NAV2: variants seen among roughly 807,000 people sequenced by gnomAD.
NAV2 encodes helicase, APC down-regulated 1.
In NAV2, 54 loss-of-function variants were observed where a neutral mutation model predicts 223.2. That is an observed-to-expected ratio of 0.24 (90% confidence interval 0.19 to 0.30). NAV2 has a LOEUF of 0.30. Ranked by LOEUF, NAV2 falls within the 10% of genes least tolerant of loss-of-function variation. The pLI is 1.00. For missense variants in NAV2, 2,806 were observed against 3,147.5 expected (o/e 0.89, Z 2.60); for synonymous variants, 1,279 against 1,239.3 (o/e 1.03, Z -0.67).
chr11:19,643,410 C>T (rs59431398), intron 1 of NAV2, among the ~76,000 whole-genome samples: 3 of 148,156 alleles, frequency 2.0e-5, no homozygotes, highest in Admixed American at 6.8e-5. Context: ...TGAGAACATG[C>T]GGTGTTTGGT....
intron 6 of NAV2, among the ~76,000 whole-genome samples, chr11:19,897,886 T>TTATATA (rs10524489): frequency 0.021 from 2,493 of 120,648 alleles, 309 homozygotes; most frequent in African/African-American, 0.073. Flanking sequence ...GACCTGTGAT[T>TTATATA]TATATATATA....
At chr11:19,564,465 A>T (rs2045201127) in intron 1 of NAV2, among the ~76,000 whole-genome samples, 1 of 152,160 alleles carries the variant, frequency 6.6e-6, no homozygotes, top group African/African-American at 2.4e-5. Flanking sequence ...TTCACCACCC[A>T]GTCGGGCTCT....
intron 31 of NAV2, among the ~76,000 whole-genome samples, chr11:20,098,082 G>A (rs1290245826): frequency 2.6e-5 from 4 of 152,136 alleles, no homozygotes; most frequent in Admixed American, 1.3e-4. Flanking sequence ...ATGCAGTCCC[G>A]TTCTACAGAT....
At chr11:19,982,375 C>T (rs943745749) in intron 10 of NAV2, among the ~76,000 whole-genome samples, 21 of 152,264 alleles carry the variant, frequency 1.4e-4, no homozygotes, top group African/African-American at 5.1e-4. Context: ...TCAAGTGATT[C>T]TCCTGCCTCA....
intron 1 of NAV2, among the ~76,000 whole-genome samples, chr11:19,487,328 G>A (rs140260165): frequency 8.0e-4 from 122 of 152,260 alleles, no homozygotes; most frequent in Non-Finnish European, 1.3e-3. Context: ...TCTCAAAATG[G>A]GAAAAGGAGC....
chr11:19,684,911 A>G (rs1205772540), intron 1 of NAV2, among the ~76,000 whole-genome samples: 1 of 152,166 alleles, frequency 6.6e-6, no homozygotes, highest in Non-Finnish European at 1.5e-5. Context: ...CTCTCAGTAC[A>G]GTGCCTGGCA....
chr11:20,011,358 CAG>C (rs2053550777), intron 11 of NAV2, among the ~76,000 whole-genome samples: 1 of 152,116 alleles, frequency 6.6e-6, no homozygotes, highest in Non-Finnish European at 1.5e-5. Context: ...TTATATGACA[CAG>C]AGAAATCTAT....
intron 1 of NAV2, among the ~76,000 whole-genome samples, chr11:19,765,372 C>CCTT (rs2055120351): frequency 9.3e-6 from 1 of 107,562 alleles, no homozygotes; most frequent in African/African-American, 4.4e-5. Flanking sequence ...TCCTCATCTT[C>CCTT]CCTTCTTTCC....
intron 1 of NAV2, among the ~76,000 whole-genome samples, chr11:19,785,711 A>G (rs546848556): frequency 1.3e-5 from 2 of 151,122 alleles, no homozygotes; most frequent in East Asian, 1.9e-4. Context: ...ATGTCTGGCC[A>G]CTGTATGGGG....
chr11:20,029,377 C>T (rs981039273), intron 11 of NAV2, among the ~76,000 whole-genome samples: 1 of 152,180 alleles, frequency 6.6e-6, no homozygotes, highest in African/African-American at 2.4e-5. Flanking sequence ...AGCAGCATAG[C>T]TAAAAGCGTT....
chr11:19,684,841 A>T (rs1297248288), intron 1 of NAV2, among the ~76,000 whole-genome samples: 1 of 152,214 alleles, frequency 6.6e-6, no homozygotes, highest in Non-Finnish European at 1.5e-5. Context: ...TCACATCCCT[A>T]TGGGCTCAAG....
At chr11:19,806,907 C>T (rs1204877975) in intron 1 of NAV2, among the ~76,000 whole-genome samples, 1 of 152,182 alleles carries the variant, frequency 6.6e-6, no homozygotes, top group East Asian at 1.9e-4. Context: ...ATAGCTAACC[C>T]TGCCTGGGCA....
chr11:19,791,144 C>T (rs1327799451), intron 1 of NAV2, among the ~76,000 whole-genome samples: 3 of 152,040 alleles, frequency 2.0e-5, no homozygotes, highest in Non-Finnish European at 2.9e-5. Context: ...AAAACTATAC[C>T]CTTAACCATT....
rs2153548112 is a variant in NAV2, at chr11:20,027,483, A to C, written c.2769-8476A>C. On this transcript the variant is annotated intron_variant, in intron 11 of 37. Coordinates refer to ENST00000349880, the MANE Select transcript of NAV2 (RefSeq NM_145117.5). Reference sequence around the variant, plus strand: ...AATTGAGCAGGTAAGTCCTGGATGCAGCTGGTCACAGCTGCGCAGTGTGAG... The same window carrying C: ...AATTGAGCAGGTAAGTCCTGGATGCCGCTGGTCACAGCTGCGCAGTGTGAG... 5 of 982,888 alleles carry C rather than the reference A, an allele frequency of 5.1e-6. No individual in the cohort carries two copies. In the South Asian group the frequency reaches 1.9e-4, roughly 37 times the overall value. The allele number at this position is 982,888 out of a possible 1,614,324, so 60.9% of individuals were successfully genotyped here. A position where few individuals can be genotyped will look rare whatever the true frequency, so the allele number is the denominator to read the frequency against.
chr11:19,745,056 C>T (rs1248605657), intron 1 of NAV2, among the ~76,000 whole-genome samples: 1 of 152,202 alleles, frequency 6.6e-6, no homozygotes, highest in African/African-American at 2.4e-5. Flanking sequence ...CCCTATCGCT[C>T]TCTAGCAGGG....
At chr11:19,777,604 C>A in intron 1 of NAV2, 1 of 443,626 alleles carries the variant, frequency 2.3e-6, no homozygotes, top group Non-Finnish European at 4.5e-6. Flanking sequence ...TAGGAACTGG[C>A]CCGGGTGGTG....
chr11:19,576,127 G>A lies in NAV2; in HGVS notation c.75+225100G>A, dbSNP rs553856896. ...GTGCCCTTTGCACACAGCCATTTGT[G>A]GAATGGGTCCTCCTCTGTCTACACT... On this transcript the variant is annotated intron_variant, in intron 1 of 37. Coordinates refer to the NAV2 transcript ENST00000360655. 2.0e-5 allele frequency among the ~76,000 whole-genome samples: 3 copies of A among 152,012 alleles called. No individual in the cohort carries two copies. The South Asian group carries it at 6.2e-4, about 32-fold the overall frequency.
intron 1 of NAV2, among the ~76,000 whole-genome samples, chr11:19,374,944 CTT>C (rs1343590866): frequency 6.6e-6 from 1 of 152,162 alleles, no homozygotes; most frequent in Non-Finnish European, 1.5e-5. Flanking sequence ...CAGAAACTGA[CTT>C]TGATTGTAGC....
intron 1 of NAV2, among the ~76,000 whole-genome samples, chr11:19,423,372 G>C (rs557689726): frequency 3.7e-4 from 56 of 152,322 alleles, no homozygotes; most frequent in Non-Finnish European, 7.2e-4. Flanking sequence ...ACTAAGAACC[G>C]TGTGCTAGGC....
Sources: allele counts gnomAD v4.1 joint callset (sites outside exome capture counted in the v4.1 genomes callset), GRCh38; gene constraint gnomAD v4.1.1; transcripts MANE v1.5; gene names NCBI Gene and HGNC (gene_info 2026-07-23, HGNC 2026-07-21).